The following ADAMTSL1 variants were observed in gnomAD, a reference collection of about 807,000 sequenced individuals.
ADAMTSL1 encodes ADAMTS like 1.
Under a neutral mutation model 201.8 loss-of-function variants are expected in ADAMTSL1, and 126 were observed. That is an observed-to-expected ratio of 0.62 (90% confidence interval 0.54 to 0.72). The LOEUF is 0.72. Ranked by LOEUF, ADAMTSL1 falls within the 30% of genes least tolerant of loss-of-function variation. The probability of loss-of-function intolerance (pLI) is 0.00; values close to 1 mark genes in which losing one functional copy is unlikely to be tolerated. For synonymous variants in ADAMTSL1, 1,121 were observed against 903.4 expected (o/e 1.24, Z -4.32); for missense variants, 2,679 against 2,277.8 (o/e 1.18, Z -3.59).
At chr9:18,866,184 A>C in intron 23 of ADAMTSL1, among the ~76,000 whole-genome samples, 1 of 149,964 alleles carries the variant, frequency 6.7e-6, no homozygotes, top group South Asian at 2.2e-4. Flanking sequence ...ACAGAAAGGA[A>C]CCTGTTAAAA....
chr9:18,015,338 T>C (rs1191136692), intron 1 of ADAMTSL1, among the ~76,000 whole-genome samples: 1 of 152,062 alleles, frequency 6.6e-6, no homozygotes, highest in Non-Finnish European at 1.5e-5. Context: ...TACATAAAGA[T>C]GGTGATCTCA....
At chr9:18,536,814 C>T (rs1256771836) in intron 3 of ADAMTSL1, among the ~76,000 whole-genome samples, 1 of 152,128 alleles carries the variant, frequency 6.6e-6, no homozygotes, top group East Asian at 1.9e-4. Context: ...GAAGGAGGCT[C>T]TTAAAAAGGT....
At chr9:18,216,714 C>T (rs1308288241) in intron 2 of ADAMTSL1, among the ~76,000 whole-genome samples, 1 of 145,314 alleles carries the variant, frequency 6.9e-6, no homozygotes, top group Non-Finnish European at 1.5e-5. Context: ...TTCCATTTTC[C>T]TTTAGTTTTT....
chr9:18,354,050 TA>T (rs1836097446), intron 2 of ADAMTSL1, among the ~76,000 whole-genome samples: 2 of 95,902 alleles, frequency 2.1e-5, no homozygotes, highest in Non-Finnish European at 4.5e-5. Context: ...TTTCTATACA[TA>T]TATATATATA....
intron 7 of ADAMTSL1, among the ~76,000 whole-genome samples, chr9:18,649,029 C>T (rs1344074849): frequency 1.3e-5 from 2 of 152,170 alleles, no homozygotes; most frequent in Non-Finnish European, 2.9e-5. Context: ...GTACACCAAT[C>T]AGACGCAGAT....
intron 14 of ADAMTSL1, among the ~76,000 whole-genome samples, chr9:18,713,748 C>G (rs1175167179): frequency 6.7e-6 from 1 of 149,076 alleles, no homozygotes; most frequent in African/African-American, 2.5e-5. Context: ...ACCAAGCGGA[C>G]CTAATAGACA....
chr9:18,305,774 G>T (rs1353490037), intron 2 of ADAMTSL1, among the ~76,000 whole-genome samples: 2 of 152,174 alleles, frequency 1.3e-5, no homozygotes, highest in Non-Finnish European at 2.9e-5. Context: ...GTGGTTGTGG[G>T]TGCAGCTTCA....
chr9:18,540,720 C>T (rs963073215), intron 3 of ADAMTSL1, among the ~76,000 whole-genome samples: 9 of 152,172 alleles, frequency 5.9e-5, no homozygotes, highest in African/African-American at 2.2e-4. Flanking sequence ...CCCTTCTGTG[C>T]ATTTCTCTTC....
intron 2 of ADAMTSL1, among the ~76,000 whole-genome samples, chr9:18,355,478 A>G (rs954279438): frequency 4.6e-5 from 7 of 152,174 alleles, no homozygotes; most frequent in African/African-American, 1.7e-4. Flanking sequence ...GATTCTTAAA[A>G]TTGTATAAGC....
At chr9:18,606,757 A>G (rs536025217) in intron 4 of ADAMTSL1, among the ~76,000 whole-genome samples, 4 of 152,188 alleles carry the variant, frequency 2.6e-5, no homozygotes, top group Admixed American at 2.6e-4. Context: ...AAACACCACA[A>G]TTCCTTCCCC....
intron 1 of ADAMTSL1, among the ~76,000 whole-genome samples, chr9:18,060,253 C>G (rs1048061998): frequency 6.6e-6 from 1 of 152,136 alleles, no homozygotes; most frequent in African/African-American, 2.4e-5. Flanking sequence ...TATGTCTAAT[C>G]CTTTCTTTTG....
At chr9:18,108,562 T>C (rs951997796) in intron 1 of ADAMTSL1, among the ~76,000 whole-genome samples, 1 of 152,040 alleles carries the variant, frequency 6.6e-6, no homozygotes. Flanking sequence ...ATACAAAATA[T>C]TGGTCTGTGT....
chr9:18,899,319 C>T (rs984191796), intron 26 of ADAMTSL1, among the ~76,000 whole-genome samples: 1 of 152,200 alleles, frequency 6.6e-6, no homozygotes, highest in African/African-American at 2.4e-5. Context: ...AATGGAGAAA[C>T]ATTTCATGCT....
intron 11 of ADAMTSL1, 116 bp from the exon 12 acceptor site, chr9:18,681,696 G>GA (rs1006941644): frequency 0.02 from 13,392 of 663,176 alleles, 215 homozygotes; most frequent in African/African-American, 0.054. Context: ...GAGTCCTCGT[G>GA]TGGGGGGGGG....
chr9:18,644,978 G>T (rs1431215565), intron 7 of ADAMTSL1, among the ~76,000 whole-genome samples: 2 of 151,844 alleles, frequency 1.3e-5, no homozygotes, highest in East Asian at 1.9e-4. Flanking sequence ...CTTCCACAAT[G>T]GTTGCACTAG....
rs116422983 is a variant in ADAMTSL1, at chr9:17,992,714, C to G, written c.87+85792C>G. On this transcript the variant is annotated intron_variant, in intron 1 of 29. Transcript: ENST00000680146. ...CTGCACTGCAGCCTGGGTGAACGGG[C>G]AAGACCCTAACTCTAAAAAACAGTA... is the stretch of plus-strand genomic sequence containing the variant. Among the ~76,000 whole-genome samples, 1,059 of 152,222 alleles carry G rather than the reference C, an allele frequency of 7.0e-3. 10 individuals are homozygous for G. The highest frequency in any genetic ancestry group is 0.024 in the African/African-American group (1,010 of 41,532).
intron 1 of ADAMTSL1, among the ~76,000 whole-genome samples, chr9:18,494,380 T>C (rs1360681640): frequency 2.0e-5 from 3 of 150,048 alleles, no homozygotes; most frequent in Admixed American, 2.0e-4. Context: ...CAAGCAGTGA[T>C]TGATTCTACC....
intron 2 of ADAMTSL1, among the ~76,000 whole-genome samples, chr9:18,178,078 A>G (rs1828259509): frequency 6.6e-6 from 1 of 152,234 alleles, no homozygotes. Flanking sequence ...TGAGCGACGC[A>G]GAAGAAGGGT....
At chr9:18,471,656 C>G (rs1271432732), upstream of ADAMTSL1, among the ~76,000 whole-genome samples, 1 of 152,094 alleles carries the variant, frequency 6.6e-6, no homozygotes. Context: ...AATTGCTTTT[C>G]CTAGTTTCTC....
Sources: gnomAD v4.1 joint callset for allele counts (sites outside exome capture counted in the v4.1 genomes callset) on GRCh38, gnomAD v4.1.1 for gene constraint, MANE v1.5 for transcripts, NCBI Gene and HGNC (gene_info 2026-07-23, HGNC 2026-07-21) for gene names.